The following WDFY1 variants were observed in gnomAD, a reference collection of about 807,000 sequenced individuals.
WDFY1 encodes WD repeat and FYVE domain-containing protein 1.
WDFY1 carries 32 observed loss-of-function variants against 56.4 expected under a neutral mutation model. That is an observed-to-expected ratio of 0.57 (90% confidence interval 0.43 to 0.76). The LOEUF (loss-of-function observed/expected upper bound fraction) is 0.76, where lower values mean the gene tolerates loss of function less well. Ranked by LOEUF, WDFY1 falls within the 30% of genes least tolerant of loss-of-function variation. WDFY1 has a pLI of 0.00. For synonymous variants in WDFY1, 192 were observed against 197.3 expected (o/e 0.97, Z 0.23); for missense variants, 480 against 545.7 (o/e 0.88, Z 1.20).
chr2:223,916,654 T>A (rs377533962), intron 2 of WDFY1, among the ~76,000 whole-genome samples: 3 of 152,136 alleles, frequency 2.0e-5, no homozygotes, highest in African/African-American at 7.2e-5. Context: ...CGGAGTTGAC[T>A]CCCCATTTGA....
In WDFY1 at chr2:223,877,820, A is replaced by T. The variant is rs1367019314; in HGVS notation, c.*851T>A. On this transcript the variant is annotated 3_prime_UTR_variant, in exon 12 of 12. Transcript: ENST00000233055. Reference sequence around the variant, plus strand: ...AGAGGACTGGGCTGTTTCAGGCAACAGACTGATCATTTCGCATCACAGTGG... The same window carrying T: ...AGAGGACTGGGCTGTTTCAGGCAACTGACTGATCATTTCGCATCACAGTGG... 2 of 152,666 alleles carry T rather than the reference A, an allele frequency of 1.3e-5. No individual in the cohort carries two copies. Among genetic ancestry groups the T allele is most frequent in the Non-Finnish European group, 1.5e-5 (1 of 68,048 alleles). 9.5% of individuals were successfully genotyped at this position (152,666 alleles called of 1,614,324 possible).
chr2:223,911,607 C>T (rs1228200806), intron 3 of WDFY1, among the ~76,000 whole-genome samples: 2 of 99,912 alleles, frequency 2.0e-5, no homozygotes, highest in African/African-American at 3.6e-5. Flanking sequence ...CACACACACA[C>T]ACACACACAG....
At chr2:223,919,356 G>A (rs144354198) in intron 1 of WDFY1, among the ~76,000 whole-genome samples, 2,839 of 152,214 alleles carry the variant, frequency 0.019, 82 homozygotes, top group Middle Eastern at 0.065. Context: ...GATTACAGGC[G>A]CACGCCACCA....
At position 223,877,501 on chromosome 2, in the gene WDFY1, C is replaced by G. The variant is rs954831713; in HGVS notation, c.*1170G>C. 6.6e-6 allele frequency: 1 copy of G among 152,208 alleles called. No homozygotes were observed. The highest frequency in any genetic ancestry group is 1.5e-5 in the Non-Finnish European group (1 of 68,042). The allele number at this position is 152,208 out of a possible 1,614,324, so 9.4% of individuals were successfully genotyped here. ...AAAAGACAGGCTCCTCATTTCTTCT[C>G]TTCCTCATCCTGGTACACAGTGCCC... On this transcript the variant is annotated 3_prime_UTR_variant, in exon 12 of 12. Coordinates refer to ENST00000233055, the MANE Select transcript of WDFY1 (RefSeq NM_020830.5).
intron 7 of WDFY1, 134 bp downstream of exon 7, chr2:223,895,370 G>T: frequency 7.5e-7 from 1 of 1,340,324 alleles, no homozygotes; most frequent in African/African-American, 1.4e-5. Context: ...AGTTAAAAGT[G>T]AACTGAGCCC....
At chr2:223,910,099 T>C (rs1016329521) in intron 3 of WDFY1, among the ~76,000 whole-genome samples, 32 of 152,146 alleles carry the variant, frequency 2.1e-4, no homozygotes, top group African/African-American at 7.5e-4. Context: ...AACTCTTCCC[T>C]GGCTCTCTGC....
Position 223,878,560 on chromosome 2 carries a change from G to T in WDFY1, c.*111C>A. On this transcript the variant is annotated 3_prime_UTR_variant, in exon 12 of 12. Transcript: ENST00000233055. ...ATTTTCTTTTTAAAAATGTTGATTT[G>T]TTTGTAAGTGGCTACTGTCCATTCA... is the stretch of plus-strand genomic sequence containing the variant. 1 of 783,384 alleles carries T rather than the reference G, an allele frequency of 1.3e-6. No individual in the cohort carries two copies. The highest frequency in any genetic ancestry group is 2.1e-6 in the Non-Finnish European group (1 of 474,296). The allele number at this position is 783,384 out of a possible 1,614,324, so 48.5% of individuals were successfully genotyped here.
intron 1 of WDFY1, among the ~76,000 whole-genome samples, chr2:223,920,115 C>G (rs1693864544): frequency 6.6e-6 from 1 of 152,234 alleles, no homozygotes; most frequent in African/African-American, 2.4e-5. Context: ...AGCACAAATT[C>G]AACACAAAAT....
chr2:223,901,443 G>T, intron 4 of WDFY1, 110 bp from the exon 5 acceptor site: 1 of 1,294,054 alleles, frequency 7.7e-7, no homozygotes, highest in Non-Finnish European at 1.1e-6. Flanking sequence ...CTGTGTACAA[G>T]AGTGTACTGG....
intron 1 of WDFY1, among the ~76,000 whole-genome samples, chr2:223,927,857 T>C (rs529457949): frequency 8.9e-4 from 135 of 152,174 alleles, no homozygotes; most frequent in African/African-American, 3.2e-3. Flanking sequence ...TCAGAGGCTA[T>C]TGTAGGGTTA....
chr2:223,936,409 T>G (rs1029113278), intron 1 of WDFY1, among the ~76,000 whole-genome samples: 5 of 151,938 alleles, frequency 3.3e-5, no homozygotes, highest in Non-Finnish European at 7.4e-5. Flanking sequence ...TAATGAAAGG[T>G]CATGAGCAGG....
intron 10 of WDFY1, among the ~76,000 whole-genome samples, chr2:223,881,393 C>G (rs916097876): frequency 2.0e-5 from 3 of 152,218 alleles, no homozygotes; most frequent in Admixed American, 6.5e-5. Context: ...TGTAACTTAG[C>G]ATTCCTCACT....
At chr2:223,891,382 C>CAATAAAAAAAAAAAA (rs1693273863) in intron 8 of WDFY1, among the ~76,000 whole-genome samples, 1 of 60,112 alleles carries the variant, frequency 1.7e-5, no homozygotes, top group Non-Finnish European at 2.9e-5. Flanking sequence ...GACTCCGTCT[C>CAATAAAAAAAAAAAA]AAAAAAAAAA....
chr2:223,931,358 T>C (rs934476252), intron 1 of WDFY1, among the ~76,000 whole-genome samples: 3 of 152,220 alleles, frequency 2.0e-5, no homozygotes, highest in Non-Finnish European at 2.9e-5. Context: ...ATAGTAGATA[T>C]ATGAAAAGTG....
rs71058956 is a variant in WDFY1, at chr2:223,896,155, C to CAAAAA, written c.599-530_599-526dup. ...TGGGTGACAGAGTGAGACTCTGTCT[C>CAAAAA]AAAAAAAAAAAAAAAAAAAAAAAAA... is the stretch of plus-strand genomic sequence containing the variant. On this transcript the variant is annotated intron_variant, in intron 6 of 11. Coordinates refer to ENST00000233055, the MANE Select transcript of WDFY1 (RefSeq NM_020830.5). 1.8e-3 allele frequency among the ~76,000 whole-genome samples: 72 copies of CAAAAA among 39,834 alleles called. 6 individuals carry two copies. The highest frequency in any genetic ancestry group is 4.7e-3 in the African/African-American group (45 of 9,478). The allele number at this position is 39,834 out of a possible 152,430, so 26.1% of individuals were successfully genotyped here.
Position 223,936,849 on chromosome 2 carries a change from C to A in WDFY1, c.137+8299G>T, listed in dbSNP as rs115633646. Among the ~76,000 whole-genome samples, 1,451 of 152,308 alleles carry A rather than the reference C, an allele frequency of 9.5e-3. 34 individuals are homozygous for A. The highest frequency in any genetic ancestry group is 0.033 in the African/African-American group (1,371 of 41,558). On this transcript the variant is annotated intron_variant, in intron 1 of 11. Transcript: ENST00000233055. ...AACACTGAATAAAGTCTCTAAGGAGCTTCCCTGATAAACAATATTTCACAC... is the reference window on the plus strand; with the variant it reads ...AACACTGAATAAAGTCTCTAAGGAGATTCCCTGATAAACAATATTTCACAC...
intron 4 of WDFY1, among the ~76,000 whole-genome samples, chr2:223,905,438 T>A (rs1028772153): frequency 6.6e-6 from 1 of 152,168 alleles, no homozygotes; most frequent in Middle Eastern, 3.2e-3. Flanking sequence ...GAGGGTCACT[T>A]AAGGTCAGGA....
intron 5 of WDFY1, among the ~76,000 whole-genome samples, chr2:223,900,164 C>G (rs559728103): frequency 2.6e-5 from 4 of 152,258 alleles, no homozygotes; most frequent in Non-Finnish European, 5.9e-5. Context: ...TTCCAAAACA[C>G]GGGTCAAAAA....
chr2:223,903,297 G>A (rs1301786220), intron 4 of WDFY1, among the ~76,000 whole-genome samples: 1 of 152,138 alleles, frequency 6.6e-6, no homozygotes, highest in African/African-American at 2.4e-5. Flanking sequence ...CGAGGCAGGA[G>A]GATCACTTGG....
Sources: gnomAD v4.1 joint callset for allele counts (sites outside exome capture counted in the v4.1 genomes callset) on GRCh38, gnomAD v4.1.1 for gene constraint, MANE v1.5 for transcripts, NCBI Gene and HGNC (gene_info 2026-07-23, HGNC 2026-07-21) for gene names.